The following PAK3 variants were observed in gnomAD, a reference collection of about 807,000 sequenced individuals.
The protein encoded by PAK3 is p21 (RAC1) activated kinase 3.
A neutral mutation model predicts 41.0 loss-of-function variants in PAK3; 4 were observed. The ratio of observed to expected loss-of-function variants is 0.10; its 90% CI spans 0.05 to 0.22. The LOEUF is 0.22. Among genes scored for constraint, PAK3 ranks in the 10% least tolerant of loss-of-function variants. The probability of loss-of-function intolerance (pLI) is 1.00; values close to 1 mark genes in which losing one functional copy is unlikely to be tolerated. For synonymous variants in PAK3, 146 were observed against 139.6 expected, an observed-to-expected ratio of 1.05 and a Z score of -0.32; for missense variants, 205 against 409.9, an observed-to-expected ratio of 0.50 and a Z score of 4.32.
At chrX:111,051,716 T>A (rs953203019) in intron 1 of PAK3, among the ~76,000 whole-genome samples, 8 of 110,660 alleles carry the variant, frequency 7.2e-5, no homozygotes, top group South Asian at 7.8e-4. Flanking sequence ...TGTGTGTGTG[T>A]GTGTAAGCAA....
intron 11 of PAK3, among the ~76,000 whole-genome samples, chrX:111,178,610 G>T (rs2094431336): frequency 9.0e-6 from 1 of 110,781 alleles, no homozygotes; most frequent in African/African-American, 3.3e-5. Context: ...AGGGATGAAA[G>T]ACACACTCAT....
intron 14 of PAK3, 37 bp downstream of exon 14, chrX:111,194,455 C>T (rs769558591): frequency 4.2e-6 from 3 of 713,696 alleles, no homozygotes; most frequent in Middle Eastern, 2.9e-4. Context: ...AGAAGACCAC[C>T]GAAATTGGCA....
At position 110,955,166 on chromosome X, in the gene PAK3, C is replaced by T. The variant is rs985621525; in HGVS notation, c.-28+10538C>T. Among the ~76,000 whole-genome samples, 4 of 112,292 alleles carry T rather than the reference C, an allele frequency of 3.6e-5. No homozygotes were observed. In the Admixed American group the frequency reaches 3.7e-4, roughly 11 times the overall value. ...CTCATGAACATAACCAAAGCATGCA[C>T]TGCAATTTCCAGACTATACGTATGG... On this transcript the variant is annotated intron_variant, in intron 1 of 14. Transcript: ENST00000425146.
At chrX:111,066,323 A>G (rs1020759185) in intron 1 of PAK3, among the ~76,000 whole-genome samples, 2 of 112,346 alleles carry the variant, frequency 1.8e-5, no homozygotes, top group African/African-American at 6.5e-5. Context: ...AAAATCATTC[A>G]GAAGCAAGCT....
chrX:111,141,762 T>C (rs989058100), intron 5 of PAK3, among the ~76,000 whole-genome samples: 17 of 112,239 alleles, frequency 1.5e-4, no homozygotes, highest in African/African-American at 5.2e-4. Flanking sequence ...GATGAATTTC[T>C]TCCTTAGTAA....
intron 1 of PAK3, among the ~76,000 whole-genome samples, chrX:111,019,911 A>C (rs551471317): frequency 3.6e-5 from 4 of 111,104 alleles, no homozygotes; most frequent in East Asian, 5.6e-4. Flanking sequence ...AACACACAAA[A>C]AATAACAAGT....
intron 7 of PAK3, among the ~76,000 whole-genome samples, chrX:111,151,364 T>A (rs1159555605): frequency 8.9e-6 from 1 of 112,429 alleles, no homozygotes; most frequent in Non-Finnish European, 1.9e-5. Flanking sequence ...AAAGATGAAA[T>A]CCTGACAACT....
chrX:111,168,151 A>T (rs753618724), intron 10 of PAK3, among the ~76,000 whole-genome samples: 3 of 111,980 alleles, frequency 2.7e-5, no homozygotes, highest in Admixed American at 1.9e-4. Context: ...GTGGGAGTTC[A>T]CCTTAGCTTA....
upstream of PAK3, among the ~76,000 whole-genome samples, chrX:111,093,904 G>T: frequency 8.9e-6 from 1 of 112,263 alleles, no homozygotes; most frequent in Middle Eastern, 4.6e-3. Flanking sequence ...TAAATCATTA[G>T]CCAGGAAAAT....
At chrX:110,979,732 T>C (rs935088603) in intron 1 of PAK3, among the ~76,000 whole-genome samples, 3 of 112,517 alleles carry the variant, frequency 2.7e-5, no homozygotes, top group Non-Finnish European at 5.6e-5. Context: ...AGACTTTTCC[T>C]CTTTTCTAAT....
At chrX:111,079,162 T>A (rs6642478) in intron 1 of PAK3, among the ~76,000 whole-genome samples, 1 of 110,993 alleles carries the variant, frequency 9.0e-6, no homozygotes, top group African/African-American at 3.3e-5. Flanking sequence ...AGATCATTGA[T>A]GAAGATGGCT....
chrX:111,137,738 A>G (rs1463951895), intron 5 of PAK3, among the ~76,000 whole-genome samples: 1 of 111,563 alleles, frequency 9.0e-6, no homozygotes, highest in Non-Finnish European at 1.9e-5. Context: ...CAGAACTCCC[A>G]ATAGATCTCA....
intron 16 of PAK3, among the ~76,000 whole-genome samples, chrX:111,212,756 G>A (rs1172006004): frequency 1.8e-5 from 2 of 112,057 alleles, no homozygotes; most frequent in Non-Finnish European, 3.8e-5. Context: ...GGACACTGCA[G>A]CTTTTTAACT....
rs775420611 is a variant in PAK3 at position 111,140,632 on chromosome X, A to G, written c.176-1464A>G. On this transcript the variant is annotated intron_variant, in intron 5 of 17. Coordinates refer to ENST00000372007, the MANE Select transcript of PAK3 (RefSeq NM_002578.5). ...TAAAAATGGAATCTGTAATGAGGGTAAGTTATATGGCATATATGTATTTTT... is the reference window on the plus strand; with the variant it reads ...TAAAAATGGAATCTGTAATGAGGGTGAGTTATATGGCATATATGTATTTTT... 6.3e-5 allele frequency among the ~76,000 whole-genome samples: 7 copies of G among 111,903 alleles called. No individual in the cohort carries two copies. The East Asian group carries it at 2.0e-3, about 32-fold the overall frequency.
chrX:111,106,909 C>G (rs1246400729), intron 4 of PAK3, among the ~76,000 whole-genome samples: 1 of 111,481 alleles, frequency 9.0e-6, no homozygotes, highest in Non-Finnish European at 1.9e-5. Flanking sequence ...AGGCTCAAAC[C>G]CACAGATCAA....
At position 111,162,650 on chromosome X, in the gene PAK3, T is replaced by G. The variant is rs139520069; in HGVS notation, c.469-265T>G. ...TATTAAGTGAATAATAGTCCACTGT[T>G]TTTGAGCTCAGTGAGAAGTTTTTTA... On this transcript the variant is annotated intron_variant, in intron 8 of 17. Transcript: ENST00000372007. Among the ~76,000 whole-genome samples, 677 of 111,580 alleles carry G rather than the reference T, an allele frequency of 6.1e-3. 8 individuals carry two copies. Among genetic ancestry groups the G allele is most frequent in the African/African-American group, 0.021 (630 of 30,718 alleles).
intron 13 of PAK3, among the ~76,000 whole-genome samples, chrX:111,193,538 CG>C (rs2094581221): frequency 1.8e-5 from 2 of 108,638 alleles, no homozygotes; most frequent in Admixed American, 2.0e-4. Flanking sequence ...TTAGTAGAGA[CG>C]GGGTTTCGCC....
intron 1 of PAK3, among the ~76,000 whole-genome samples, chrX:111,080,995 C>T (rs1331547179): frequency 1.8e-5 from 2 of 111,529 alleles, no homozygotes; most frequent in African/African-American, 6.5e-5. Context: ...AAGACAAATG[C>T]TACATGATCT....
intron 5 of PAK3, among the ~76,000 whole-genome samples, chrX:111,130,875 G>A (rs772456812): frequency 9.0e-6 from 1 of 111,621 alleles, no homozygotes; most frequent in Non-Finnish European, 1.9e-5. Context: ...TATGATGGAG[G>A]TAAGGCAGGG....
Sources: gnomAD v4.1 joint callset for allele counts (sites outside exome capture counted in the v4.1 genomes callset) on GRCh38, gnomAD v4.1.1 for gene constraint, MANE v1.5 for transcripts, NCBI Gene and HGNC (gene_info 2026-07-23, HGNC 2026-07-21) for gene names.